The following CNTNAP2 variants were observed in gnomAD, a reference collection of about 807,000 sequenced individuals.
CNTNAP2 encodes contactin-associated protein-like 2.
CNTNAP2 carries 98 observed loss-of-function variants against 155.2 expected under a neutral mutation model. That is an observed-to-expected ratio of 0.63 (90% CI 0.54 to 0.75). The LOEUF (loss-of-function observed/expected upper bound fraction) is 0.75. Ranked by LOEUF, CNTNAP2 falls within the 30% of genes least tolerant of loss-of-function variation. The pLI is 0.00. For missense variants in CNTNAP2, 1,727 were observed against 1,688.1 expected, an observed-to-expected ratio of 1.02 and a Z score of -0.40; for synonymous variants, 651 against 631.2, an observed-to-expected ratio of 1.03 and a Z score of -0.47.
At chr7:147,417,717 A>G (rs1269323480) in intron 10 of CNTNAP2, among the ~76,000 whole-genome samples, 1 of 152,180 alleles carries the variant, frequency 6.6e-6, no homozygotes, top group Non-Finnish European at 1.5e-5. Flanking sequence ...ATGGATCAAA[A>G]TTATTGTTCC....
intron 3 of CNTNAP2, among the ~76,000 whole-genome samples, chr7:146,878,941 T>C (rs187770273): frequency 6.6e-6 from 1 of 152,180 alleles, no homozygotes; most frequent in African/African-American, 2.4e-5. Context: ...TTTTGCGAAC[T>C]TTATTTGCTC....
intron 1 of CNTNAP2, among the ~76,000 whole-genome samples, chr7:146,383,337 G>A (rs931896323): frequency 3.3e-5 from 5 of 151,956 alleles, no homozygotes; most frequent in Non-Finnish European, 7.4e-5. Context: ...GGTCTTCCAT[G>A]CAGTTTCACA....
At chr7:146,837,446 T>A (rs1464669302) in intron 2 of CNTNAP2, among the ~76,000 whole-genome samples, 10 of 152,158 alleles carry the variant, frequency 6.6e-5, no homozygotes, top group Admixed American at 2.6e-4. Flanking sequence ...TTTGCATTTT[T>A]AAAAAATGTT....
At chr7:146,946,590 T>A (rs1045580990) in intron 3 of CNTNAP2, among the ~76,000 whole-genome samples, 2 of 152,164 alleles carry the variant, frequency 1.3e-5, no homozygotes, top group Admixed American at 6.6e-5. Context: ...TAATGAGCTT[T>A]AAAGGTAAAA....
rs61069153 is a variant in CNTNAP2 at position 147,510,850 on chromosome 7, C to CATATATAT, written c.1777+24823_1777+24830dup. ...AGTGCTCCTGTGATGGGCCTACAAC[C>CATATATAT]ATATATATATATATATATATAATGC... On this transcript the variant is annotated intron_variant, in intron 11 of 23. Coordinates refer to ENST00000361727, the MANE Select transcript of CNTNAP2 (RefSeq NM_014141.6). Among the ~76,000 whole-genome samples, 104 of 76,404 alleles carry CATATATAT rather than the reference C, an allele frequency of 1.4e-3. 7 individuals carry two copies. Among genetic ancestry groups the CATATATAT allele is most frequent in the African/African-American group, 5.7e-3 (92 of 16,166 alleles). The allele number at this position is 76,404 out of a possible 152,430, so 50.1% of individuals were successfully genotyped here.
At chr7:147,688,895 T>C (rs547219670) in intron 13 of CNTNAP2, among the ~76,000 whole-genome samples, 126 of 152,162 alleles carry the variant, frequency 8.3e-4, no homozygotes, top group African/African-American at 2.8e-3. Flanking sequence ...CATTCTGAGG[T>C]TTTAGTGATT....
chr7:148,202,148 C>G (rs1264810732), intron 18 of CNTNAP2, among the ~76,000 whole-genome samples: 1 of 152,072 alleles, frequency 6.6e-6, no homozygotes, highest in Non-Finnish European at 1.5e-5. Flanking sequence ...CACGGCCCCT[C>G]CCTTCAATGG....
At chr7:147,968,923 G>C (rs1801275926) in intron 14 of CNTNAP2, among the ~76,000 whole-genome samples, 1 of 152,308 alleles carries the variant, frequency 6.6e-6, no homozygotes, top group South Asian at 2.1e-4. Flanking sequence ...CTGAGTAGAG[G>C]AGATTGGCTT....
At chr7:146,349,300 G>A (rs1794876102) in intron 1 of CNTNAP2, among the ~76,000 whole-genome samples, 1 of 152,128 alleles carries the variant, frequency 6.6e-6, no homozygotes, top group Non-Finnish European at 1.5e-5. Context: ...AATCACAGAT[G>A]CCATCATAGA....
intron 1 of CNTNAP2, among the ~76,000 whole-genome samples, chr7:146,757,598 A>G (rs1802015348): frequency 6.6e-6 from 1 of 152,188 alleles, no homozygotes; most frequent in African/African-American, 2.4e-5. Flanking sequence ...GGAGAAACTG[A>G]GATTCCACAT....
chr7:147,782,819 C>T (rs984766823), intron 13 of CNTNAP2, among the ~76,000 whole-genome samples: 1 of 152,176 alleles, frequency 6.6e-6, no homozygotes, highest in African/African-American at 2.4e-5. Flanking sequence ...TCTCAGCTAT[C>T]TACAATCAGG....
chr7:147,373,053 C>T (rs1239128981), intron 9 of CNTNAP2, among the ~76,000 whole-genome samples: 3 of 152,066 alleles, frequency 2.0e-5, no homozygotes, highest in Non-Finnish European at 4.4e-5. Context: ...AGGGACACAT[C>T]GTGTCCCTCG....
chr7:147,770,466 C>T (rs772257921), intron 13 of CNTNAP2, among the ~76,000 whole-genome samples: 16 of 152,114 alleles, frequency 1.1e-4, no homozygotes, highest in African/African-American at 2.9e-4. Context: ...TTAAAATATG[C>T]GCTAATGGCG....
intron 9 of CNTNAP2, among the ~76,000 whole-genome samples, chr7:147,339,695 T>C (rs932604686): frequency 1.8e-5 from 1 of 57,066 alleles, no homozygotes; most frequent in Non-Finnish European, 4.2e-5. Context: ...AAAGCAAGAA[T>C]TTTTTTTCCT....
intron 14 of CNTNAP2, among the ~76,000 whole-genome samples, chr7:147,947,291 G>C (rs1221668296): frequency 6.6e-6 from 1 of 151,824 alleles, no homozygotes; most frequent in African/African-American, 2.4e-5. Context: ...TAAGACAATT[G>C]CATTTCCTTT....
chr7:147,850,461 C>A (rs551911542), intron 13 of CNTNAP2, among the ~76,000 whole-genome samples: 1 of 152,186 alleles, frequency 6.6e-6, no homozygotes, highest in Non-Finnish European at 1.5e-5. Context: ...ATTGCCAAGA[C>A]AATCCTAAGC....
intron 1 of CNTNAP2, among the ~76,000 whole-genome samples, chr7:146,682,741 G>A (rs2129170139): frequency 6.6e-6 from 1 of 152,254 alleles, no homozygotes; most frequent in South Asian, 2.1e-4. Context: ...AGACATTTCA[G>A]GGCAAAGATA....
At chr7:148,310,530 TC>T (rs1430014857) in intron 21 of CNTNAP2, among the ~76,000 whole-genome samples, 1 of 152,088 alleles carries the variant, frequency 6.6e-6, no homozygotes, top group African/African-American at 2.4e-5. Flanking sequence ...AGGCAGAAAG[TC>T]CTAAACCGAC....
At chr7:147,672,726 T>C (rs116602966) in intron 13 of CNTNAP2, 1 of 152,194 alleles carries the variant, frequency 6.6e-6, no homozygotes, top group East Asian at 1.9e-4. Flanking sequence ...CATCAGCTTT[T>C]GTACTGTGTA....
Sources: allele counts gnomAD v4.1 joint callset (sites outside exome capture counted in the v4.1 genomes callset), GRCh38; gene constraint gnomAD v4.1.1; transcripts MANE v1.5; gene names NCBI Gene and HGNC (gene_info 2026-07-23, HGNC 2026-07-21).